NPY1R: variants seen among roughly 807,000 people sequenced by gnomAD.
NPY1R encodes neuropeptide Y receptor Y1.
NPY1R carries 10 observed loss-of-function variants against 24.1 expected under a neutral mutation model. That is an observed-to-expected ratio of 0.42 (90% CI 0.26 to 0.71). The LOEUF is 0.71. Among genes scored for constraint, NPY1R ranks in the 30% least tolerant of loss-of-function variants. The pLI is 0.28. For missense variants in NPY1R, 350 were observed against 458.0 expected, an observed-to-expected ratio of 0.76 and a Z score of 2.15; for synonymous variants, 168 against 165.9, an observed-to-expected ratio of 1.01 and a Z score of -0.10.
intron 1 of NPY1R, among the ~76,000 whole-genome samples, chr4:163,331,539 C>T (rs1005339743): frequency 2.0e-5 from 3 of 152,064 alleles, no homozygotes; most frequent in Non-Finnish European, 4.4e-5. Context: ...CATCAAAAAA[C>T]CTTTCTACCA....
chr4:163,337,367 T>G (rs1334261642), upstream of NPY1R, among the ~76,000 whole-genome samples: 4 of 152,226 alleles, frequency 2.6e-5, no homozygotes, highest in Non-Finnish European at 5.9e-5. Context: ...TTTTAGAAGC[T>G]ATTTTGAAAT....
intron 1 of NPY1R, among the ~76,000 whole-genome samples, chr4:163,343,655 T>C (rs1207721499): frequency 6.6e-6 from 1 of 152,146 alleles, no homozygotes; most frequent in Non-Finnish European, 1.5e-5. Context: ...GATTTGCCCA[T>C]CAAGTTAACT....
upstream of NPY1R, among the ~76,000 whole-genome samples, chr4:163,337,707 A>C (rs1188630679): frequency 1.3e-5 from 2 of 152,210 alleles, no homozygotes; most frequent in Non-Finnish European, 2.9e-5. Context: ...CAATAAAATA[A>C]CTATAATACC....
At chr4:163,334,949 G>GA (rs1335484588), upstream of NPY1R, among the ~76,000 whole-genome samples, 1 of 150,928 alleles carries the variant, frequency 6.6e-6, no homozygotes, top group Non-Finnish European at 1.5e-5. Context: ...TTTCCAATGT[G>GA]AAAAATAGAG....
At chr4:163,327,921 T>C (rs1452701009) in intron 1 of NPY1R, among the ~76,000 whole-genome samples, 1 of 152,178 alleles carries the variant, frequency 6.6e-6, no homozygotes, top group East Asian at 1.9e-4. Flanking sequence ...ATTAAGAAAC[T>C]GAATTTCATT....
At chr4:163,341,036 TG>T (rs751252255) in intron 1 of NPY1R, among the ~76,000 whole-genome samples, 3 of 151,790 alleles carry the variant, frequency 2.0e-5, no homozygotes, top group Admixed American at 6.6e-5. Flanking sequence ...GCCTGGGAAA[TG>T]GACTCAATGC....
At chr4:163,332,307 C>T (rs1734750382) in intron 1 of NPY1R, among the ~76,000 whole-genome samples, 175 bp downstream of exon 1, 1 of 152,076 alleles carries the variant, frequency 6.6e-6, no homozygotes, top group African/African-American at 2.4e-5. Context: ...GGCAGGAGCC[C>T]GCGAACGGTC....
intron 1 of NPY1R, among the ~76,000 whole-genome samples, chr4:163,343,124 G>T (rs1735047781): frequency 6.6e-6 from 1 of 151,334 alleles, no homozygotes. Context: ...TGTTGGGAAG[G>T]AACAGAAGGA....
intron 1 of NPY1R, among the ~76,000 whole-genome samples, chr4:163,342,928 A>G (rs1735030254): frequency 6.6e-6 from 1 of 150,556 alleles, no homozygotes. Flanking sequence ...ATGGACATCT[A>G]CCCAATGTCT....
rs1005104598 is a variant in NPY1R at position 163,325,030 on chromosome 4, T to C, written c.*273A>G. 4 of 379,612 alleles carry C rather than the reference T, an allele frequency of 1.1e-5. No individual in the cohort carries two copies. Among genetic ancestry groups the C allele is most frequent in the Non-Finnish European group, 1.4e-5 (3 of 210,410 alleles). The allele number at this position is 379,612 out of a possible 1,614,324, so 23.5% of individuals were successfully genotyped here. A position where few individuals can be genotyped will look rare whatever the true frequency, so the allele number is the denominator to read the frequency against. On this transcript the variant is annotated 3_prime_UTR_variant, in exon 3 of 3. Transcript: ENST00000296533. ...AAATTTCATTCCAATAAGTACAGTATAAAAGTCTTTATATTATATGCATAA... is the reference window on the plus strand; with the variant it reads ...AAATTTCATTCCAATAAGTACAGTACAAAAGTCTTTATATTATATGCATAA...
At chr4:163,333,501 TGAACTGATGCAAATGAGTA>T (rs1391586116), upstream of NPY1R, among the ~76,000 whole-genome samples, 2 of 152,002 alleles carry the variant, frequency 1.3e-5, no homozygotes, top group Non-Finnish European at 2.9e-5. Context: ...ATGTAGACGA[TGAACTGATGCAAATGAGTA>T]GAACTTCTTC....
intron 1 of NPY1R, among the ~76,000 whole-genome samples, chr4:163,327,657 A>G (rs565800849): frequency 6.6e-6 from 1 of 152,306 alleles, no homozygotes; most frequent in African/African-American, 2.4e-5. Context: ...TTATGTAAAT[A>G]TCTTCCCTAC....
chr4:163,340,423 T>A (rs973734865), intron 1 of NPY1R, among the ~76,000 whole-genome samples: 10 of 152,008 alleles, frequency 6.6e-5, no homozygotes, highest in African/African-American at 2.4e-4. Context: ...GAAATATAGT[T>A]AATACTAGCT....
In NPY1R at chr4:163,324,684, T is replaced by C. The variant is rs1434395738; in HGVS notation, c.*619A>G. 6.6e-6 allele frequency: 1 copy of C among 151,928 alleles called. No individual in the cohort carries two copies. The highest frequency in any genetic ancestry group is 1.5e-5 in the Non-Finnish European group (1 of 67,960). The allele number at this position is 151,928 out of a possible 1,614,324, so 9.4% of individuals were successfully genotyped here. On this transcript the variant is annotated 3_prime_UTR_variant, in exon 3 of 3. Transcript: ENST00000296533. ...AGAAGTATGTCTTTTTATTCATTTTTAAATTTTCATTTAAGTGACAATCAG... is the reference window on the plus strand; with the variant it reads ...AGAAGTATGTCTTTTTATTCATTTTCAAATTTTCATTTAAGTGACAATCAG...
chr4:163,333,280 A>G (rs1734775280), upstream of NPY1R, among the ~76,000 whole-genome samples: 1 of 151,750 alleles, frequency 6.6e-6, no homozygotes, highest in African/African-American at 2.4e-5. Context: ...CGTCAATGCA[A>G]TTTTCTCGGT....
At chr4:163,338,279 G>A (rs772575658) in intron 1 of NPY1R, among the ~76,000 whole-genome samples, 3 of 152,100 alleles carry the variant, frequency 2.0e-5, no homozygotes, top group African/African-American at 4.8e-5. Context: ...AAAATCTCAC[G>A]CATCTAATTG....
upstream of NPY1R, among the ~76,000 whole-genome samples, chr4:163,335,678 C>A (rs1734825352): frequency 6.6e-6 from 1 of 151,798 alleles, no homozygotes; most frequent in Non-Finnish European, 1.5e-5. Context: ...TGAAGCACGT[C>A]AGTGAATCAG....
Position 163,331,822 on chromosome 4 carries a change from G to A in NPY1R, c.-152+660C>T, listed in dbSNP as rs189419304. ...GAACTCCGATGATTAAAAGCTTCGG[G>A]TGTCTATCGGGGCGCAGCGCCACAC... On this transcript the variant is annotated intron_variant, in intron 1 of 2. Transcript: ENST00000296533. Among the ~76,000 whole-genome samples the A allele has an allele frequency of 1.6e-3, 244 of 152,370 alleles. 1 individual carries two copies. Among genetic ancestry groups the A allele is most frequent in the Middle Eastern group, 6.8e-3 (2 of 294 alleles).
chr4:163,342,664 T>C (rs1216353102), intron 1 of NPY1R, among the ~76,000 whole-genome samples: 1 of 152,112 alleles, frequency 6.6e-6, no homozygotes, highest in African/African-American at 2.4e-5. Flanking sequence ...TCTATACAGA[T>C]CCCCTGAGTA....
Sources: gnomAD v4.1 joint callset for allele counts (sites outside exome capture counted in the v4.1 genomes callset) on GRCh38, gnomAD v4.1.1 for gene constraint, MANE v1.5 for transcripts, NCBI Gene and HGNC (gene_info 2026-07-23, HGNC 2026-07-21) for gene names.